Variants in ZFHX3 observed in about 807,000 individuals in gnomAD.
The protein encoded by ZFHX3 is zinc finger homeobox 3, also known as zinc finger homeobox protein 3.
Under a neutral mutation model 279.1 loss-of-function variants are expected in ZFHX3, and 42 were observed. The observed-to-expected ratio is 0.15, with a 90% CI of 0.12 to 0.19. The LOEUF (loss-of-function observed/expected upper bound fraction) is 0.19. Among genes scored for constraint, ZFHX3 ranks in the 10% least tolerant of loss-of-function variants. The pLI, the probability that ZFHX3 is intolerant of heterozygous loss-of-function variation, is 1.00. For synonymous variants in ZFHX3, 2,293 were observed against 1,957.8 expected, an observed-to-expected ratio of 1.17 and a Z score of -4.52; for missense variants, 4,981 against 4,754.0, an observed-to-expected ratio of 1.05 and a Z score of -1.40.
intron 2 of ZFHX3, among the ~76,000 whole-genome samples, chr16:73,554,120 T>C (rs531155686): frequency 3.9e-4 from 59 of 152,338 alleles, no homozygotes; most frequent in African/African-American, 1.4e-3. Flanking sequence ...CCAAGATTCA[T>C]CTCACTCTGC....
exon 8 of ZFHX3, chr16:73,093,322 A>G (rs1256209373): frequency 2.4e-6 from 1 of 419,984 alleles, no homozygotes; most frequent in Admixed American, 2.8e-5. Flanking sequence ...ATGCATATTG[A>G]AAGCCAGAAG....
intron 7 of ZFHX3, among the ~76,000 whole-genome samples, chr16:73,124,197 A>C (rs939973783): frequency 4.2e-4 from 64 of 152,160 alleles, no homozygotes; most frequent in African/African-American, 1.5e-3. Flanking sequence ...GGTAGCTTTT[A>C]AGCAGCAGAA....
chr16:73,228,898 C>T lies in ZFHX3; in HGVS notation c.-1104+28149G>A, dbSNP rs13330148. The stretch of plus-strand genomic sequence containing the variant: ...TAAGGAAACAGCTGGTTTCCTTCTC[C>T]CTTGTGTTTTTGGAAGACGTCGTGG... On this transcript the variant is annotated intron_variant, in intron 5 of 17. Coordinates refer to the ZFHX3 transcript ENST00000641206. Among the ~76,000 whole-genome samples the T allele has an allele frequency of 3.9e-3, 599 of 152,112 alleles. 1 individual carries two copies. The highest frequency in any genetic ancestry group is 0.013 in the African/African-American group (547 of 41,478).
At chr16:73,389,035 C>T (rs112702238) in intron 3 of ZFHX3, 3 of 152,354 alleles carry the variant, frequency 2.0e-5, no homozygotes, top group African/African-American at 7.2e-5. Flanking sequence ...AAACCACACT[C>T]ACACAAATAC....
intron 1 of ZFHX3, among the ~76,000 whole-genome samples, chr16:73,855,515 G>T (rs1029827771): frequency 2.0e-5 from 3 of 152,074 alleles, no homozygotes; most frequent in African/African-American, 4.8e-5. Context: ...GGAGGAGGAG[G>T]AGGAGGAGGA....
At chr16:73,376,484 C>A (rs1193924863) in intron 3 of ZFHX3, among the ~76,000 whole-genome samples, 1 of 152,158 alleles carries the variant, frequency 6.6e-6, no homozygotes, top group Non-Finnish European at 1.5e-5. Flanking sequence ...ATTTCATTTT[C>A]ATGAAAGGAA....
At chr16:73,716,445 G>T (rs1047048530) in intron 1 of ZFHX3, among the ~76,000 whole-genome samples, 20 of 152,244 alleles carry the variant, frequency 1.3e-4, no homozygotes, top group African/African-American at 4.6e-4. Context: ...CAATTAAAAA[G>T]ACGGGCTATT....
At chr16:73,082,302 A>G (rs947164920) in intron 8 of ZFHX3, among the ~76,000 whole-genome samples, 1 of 151,360 alleles carries the variant, frequency 6.6e-6, no homozygotes, top group Non-Finnish European at 1.5e-5. Flanking sequence ...GAGTCTCTCT[A>G]TGTTGCCCAG....
At chr16:73,362,557 T>C (rs1479712590) in intron 3 of ZFHX3, among the ~76,000 whole-genome samples, 1 of 152,214 alleles carries the variant, frequency 6.6e-6, no homozygotes, top group African/African-American at 2.4e-5. Context: ...TCAGTGAACA[T>C]CCTGCAAATG....
Position 72,794,509 on chromosome 16 carries a change from C to G in ZFHX3, c.8173G>C (p.Ala2725Pro). Reference protein sequence around the residue: ...FCRALFKAKTALEAHIRSRHW... With the variant: ...FCRALFKAKTPLEAHIRSRHW... The stretch of plus-strand genomic sequence containing the variant: ...CGGGACCGGATATGAGCCTCAAGAG[C>G]AGTCTTGGCTTTGAAGAGCGCTCTG... The change falls in exon 9 of 10, where the codon GCT becomes CCT. Residue 2725 changes from alanine to proline, a missense_variant. This residue lies in a region of ZFHX3 where 744 missense variants were observed against 701.3 expected (regional missense o/e 1.06). Transcript: ENST00000268489. The surrounding 1 kb of genome is among the most constrained non-coding windows in gnomAD (Gnocchi z 4.2). 6.2e-7 allele frequency: 1 copy of G among 1,614,186 alleles called. No individual in the cohort carries two copies. The highest frequency in any genetic ancestry group is 8.5e-7 in the Non-Finnish European group (1 of 1,180,040).
chr16:73,385,508 T>A (rs2016885495), intron 3 of ZFHX3, among the ~76,000 whole-genome samples: 1 of 152,070 alleles, frequency 6.6e-6, no homozygotes, highest in Non-Finnish European at 1.5e-5. Flanking sequence ...CCAGCTCATG[T>A]CAAAACAGTC....
At chr16:73,070,936 G>A (rs12931834) in intron 8 of ZFHX3, among the ~76,000 whole-genome samples, 1,802 of 9,894 alleles carry the variant, frequency 0.18, 62 homozygotes, top group African/African-American at 0.23. Flanking sequence ...GCGCGCGCGC[G>A]CGCACACACA....
chr16:72,907,681 CTT>C (rs71156129), intron 3 of ZFHX3, among the ~76,000 whole-genome samples: 14,771 of 131,804 alleles, frequency 0.11, 1,134 homozygotes, highest in Non-Finnish European at 0.17. Context: ...CTCCAAATTC[CTT>C]TTTTTTTTTT....
chr16:73,126,440 T>C (rs897228213), intron 7 of ZFHX3, among the ~76,000 whole-genome samples: 1 of 152,124 alleles, frequency 6.6e-6, no homozygotes, highest in African/African-American at 2.4e-5. Context: ...AAGTACTGGA[T>C]GTGTCAAGCG....
At chr16:73,723,291 C>A (rs2729612) in intron 1 of ZFHX3, among the ~76,000 whole-genome samples, 138,928 of 152,256 alleles carry the variant, frequency 0.91, 63,598 homozygotes, top group Non-Finnish European at 0.95. Flanking sequence ...AAAAAAAAGG[C>A]ATAAGAAAAA....
At chr16:73,262,826 A>C (rs1170456185) in intron 4 of ZFHX3, among the ~76,000 whole-genome samples, 1 of 152,098 alleles carries the variant, frequency 6.6e-6, no homozygotes, top group African/African-American at 2.4e-5. Flanking sequence ...CTGCCATGTG[A>C]AAAAAACCGG....
intron 4 of ZFHX3, among the ~76,000 whole-genome samples, chr16:72,835,113 C>T (rs764776970): frequency 2.0e-5 from 3 of 152,018 alleles, no homozygotes; most frequent in South Asian, 2.1e-4. Context: ...CTGTGATCCC[C>T]GAAGAATGAA....
At chr16:73,506,291 A>C (rs540542945) in intron 2 of ZFHX3, among the ~76,000 whole-genome samples, 2 of 152,300 alleles carry the variant, frequency 1.3e-5, no homozygotes, top group East Asian at 1.9e-4. Flanking sequence ...GCCCGGACCC[A>C]GTATGTAGGA....
chr16:73,260,464 C>G (rs540195296), intron 4 of ZFHX3, among the ~76,000 whole-genome samples: 1 of 152,102 alleles, frequency 6.6e-6, no homozygotes, highest in South Asian at 2.1e-4. Context: ...CAGTTGGGAC[C>G]CCTTCATTCT....
Sources: allele counts gnomAD v4.1 joint callset (sites outside exome capture counted in the v4.1 genomes callset), GRCh38; gene constraint gnomAD v4.1.1; regional missense constraint gnomAD v4.1.1; non-coding constraint Gnocchi (gnomAD v3.1); transcripts MANE v1.5; gene names NCBI Gene and HGNC (gene_info 2026-07-23, HGNC 2026-07-21).